The following ACO2 variants were observed in gnomAD, a reference collection of about 807,000 sequenced individuals.
ACO2 encodes aconitate hydratase, mitochondrial.
In ACO2, 31 loss-of-function variants were observed where a neutral mutation model predicts 84.5. The ratio of observed to expected loss-of-function variants is 0.37; its 90% CI spans 0.28 to 0.50. ACO2 has a LOEUF of 0.50. Ranked by LOEUF, ACO2 falls within the 20% of genes least tolerant of loss-of-function variation. ACO2 has a pLI of 0.97. For synonymous variants in ACO2, 414 were observed against 412.7 expected, an observed-to-expected ratio of 1.00 and a Z score of -0.04; for missense variants, 685 against 1,029.3, an observed-to-expected ratio of 0.67 and a Z score of 4.58.
chr22:41,470,082 CTTGACTCCCCTGT>C (rs2037925174), intron 1 of ACO2, among the ~76,000 whole-genome samples: 3 of 152,148 alleles, frequency 2.0e-5, no homozygotes, highest in Admixed American at 6.5e-5. Flanking sequence ...CCAGTTTGAC[CTTGACTCCCCTGT>C]TAGGAGCTAT....
intron 7 of ACO2, 47 bp downstream of exon 7, chr22:41,517,678 C>T (rs572111776): frequency 3.9e-5 from 59 of 1,504,718 alleles, no homozygotes; most frequent in East Asian, 6.8e-5. Flanking sequence ...GTCACATGCC[C>T]GCTCCTCCCC....
chr22:41,527,932 T>C lies in ACO2; in HGVS notation c.2118T>C (p.Pro706=), dbSNP rs1601938501. The C allele has an allele frequency of 6.2e-7, 1 of 1,614,140 alleles. No homozygotes were observed. The highest frequency in any genetic ancestry group is 8.5e-7 in the Non-Finnish European group (1 of 1,180,016). Residue 706 remains proline, a synonymous_variant, in exon 17 of 18, where the codon CCT becomes CCC. Coordinates refer to ENST00000216254, the MANE Select transcript of ACO2 (RefSeq NM_001098.3). The part of the protein sequence containing the change: ...ETNLKKQGLL[P]LTFADPADYN... ...ACCTGAAGAAACAGGGCCTGCTGCC[T>C]CTGACCTTCGCTGACCCGGCTGACT...
chr22:41,470,448 A>T (rs959226647), intron 1 of ACO2, among the ~76,000 whole-genome samples: 1 of 151,894 alleles, frequency 6.6e-6, no homozygotes, highest in African/African-American at 2.4e-5. Flanking sequence ...AAGTAAAATC[A>T]TCATTTATCT....
chr22:41,486,107 T>C (rs1490063448), intron 1 of ACO2, among the ~76,000 whole-genome samples: 2 of 151,904 alleles, frequency 1.3e-5, no homozygotes, highest in Non-Finnish European at 2.9e-5. Flanking sequence ...CTGCCCCTTG[T>C]GTGTGTGTGT....
chr22:41,498,170 G>A (rs2066328815), intron 1 of ACO2, among the ~76,000 whole-genome samples: 2 of 151,640 alleles, frequency 1.3e-5, no homozygotes, highest in Admixed American at 6.6e-5. Flanking sequence ...CAAATAATTG[G>A]GTGTAGTAGT....
chr22:41,499,894 A>G (rs1430221065), intron 2 of ACO2, 32 bp downstream of exon 2: 2 of 1,610,474 alleles, frequency 1.2e-6, no homozygotes, highest in Admixed American at 1.7e-5. Flanking sequence ...TGTGACTGTC[A>G]AGGGCATTGC....
rs983481157 is a variant in ACO2, at chr22:41,528,540, C to A, written c.2270C>A (p.Thr757Asn). ...GTQETILLNH[T>N]FNETQIEWFR... The stretch of plus-strand genomic sequence containing the variant: ...CAGGAGACCATCCTCCTGAACCACA[C>A]CTTCAACGAGACGCAGATTGAGTGG... The change falls in exon 18 of 18, where the codon ACC becomes AAC. Residue 757 changes from threonine to asparagine, a missense_variant. Around this residue, in one of 5 missense-constraint regions of ACO2, gnomAD observed 174 missense variants for 236.6 expected, o/e 0.74. Transcript: ENST00000216254. 1 of 1,613,210 alleles carries A rather than the reference C, an allele frequency of 6.2e-7. No homozygotes were observed. The highest frequency in any genetic ancestry group is 1.1e-5 in the South Asian group (1 of 91,030).
chr22:41,512,507 C>T (rs1467906403), intron 4 of ACO2, among the ~76,000 whole-genome samples: 2 of 152,228 alleles, frequency 1.3e-5, no homozygotes, highest in African/African-American at 4.8e-5. Context: ...AGCTGGCTTA[C>T]TGTGGAGCCA....
intron 9 of ACO2, 35 bp downstream of exon 9, chr22:41,520,311 T>G (rs1382406611): frequency 1.3e-6 from 2 of 1,553,476 alleles, no homozygotes; most frequent in South Asian, 2.2e-5. Flanking sequence ...TTAGCAGGTC[T>G]CAGGGCCAGT....
rs1159609057 is a variant in ACO2 at position 41,525,324 on chromosome 22, G to A, written c.1737G>A (p.Leu579=). 6 of 1,613,918 alleles carry A rather than the reference G, an allele frequency of 3.7e-6. No homozygotes were observed. The highest frequency in any genetic ancestry group is 5.1e-6 in the Non-Finnish European group (6 of 1,180,036). ...EPFDKWDGKD[L]EDLQILIKVK... ...TTGACAAGTGGGATGGCAAGGACCT[G>A]GAGGACCTGCAGATCCTCATCAAGG... Residue 579 remains leucine (L), a synonymous_variant, in exon 14 of 18, where the codon CTG becomes CTA. Transcript: ENST00000216254.
At chr22:41,504,265 T>C (rs1601905746) in intron 2 of ACO2, among the ~76,000 whole-genome samples, 1 of 152,168 alleles carries the variant, frequency 6.6e-6, no homozygotes, top group Non-Finnish European at 1.5e-5. Flanking sequence ...TCTAAGAATT[T>C]TTTAGAAGGC....
At chr22:41,517,241 C>T (rs1280151145) in intron 6 of ACO2, 4 of 411,648 alleles carry the variant, frequency 9.7e-6, no homozygotes, top group East Asian at 5.0e-5. Flanking sequence ...GCCCCAAGCT[C>T]GCAGCTCAGT....
chr22:41,527,853 C>G, intron 16 of ACO2, 48 bp from the exon 17 acceptor site: 1 of 1,613,828 alleles, frequency 6.2e-7, no homozygotes. Context: ...AAATGAAGCT[C>G]TCCAGGCTAG....
intron 1 of ACO2, among the ~76,000 whole-genome samples, chr22:41,471,603 T>A (rs1427795416): frequency 2.0e-5 from 3 of 152,230 alleles, no homozygotes; most frequent in Non-Finnish European, 2.9e-5. Context: ...TGTATTCTAA[T>A]GTACCTGACT....
At chr22:41,473,953 C>G (rs969328379) in intron 1 of ACO2, among the ~76,000 whole-genome samples, 1 of 152,042 alleles carries the variant, frequency 6.6e-6, no homozygotes. Flanking sequence ...GTAAGGAAAT[C>G]CAAGTGTAGT....
chr22:41,520,037 C>T (rs1159119894), intron 8 of ACO2, 134 bp from the exon 9 acceptor site: 4 of 725,990 alleles, frequency 5.5e-6, no homozygotes, highest in Admixed American at 4.9e-5. Flanking sequence ...CAGTTCTTCC[C>T]TGTGATGAGG....
At chr22:41,525,423 TGAACCTGGAG>T in intron 14 of ACO2, 75 bp downstream of exon 14, 1 of 1,570,936 alleles carries the variant, frequency 6.4e-7, no homozygotes, top group East Asian at 2.2e-5. Flanking sequence ...GGAAGGGCCA[TGAACCTGGAG>T]GAAGTGAGCA....
rs140570138 is a variant in ACO2, at chr22:41,496,123, G to A, written c.37-3603G>A. On this transcript the variant is annotated intron_variant, in intron 1 of 17. Transcript: ENST00000216254. Reference sequence around the variant, plus strand: ...GGTCAGGAGTTTGAGACCAGCCTGGGCAACGTGGTGAAACCCCATCTCCAC... The same window carrying A: ...GGTCAGGAGTTTGAGACCAGCCTGGACAACGTGGTGAAACCCCATCTCCAC... Among the ~76,000 whole-genome samples, 86 of 151,614 alleles carry A rather than the reference G, an allele frequency of 5.7e-4. No homozygotes were observed. In the East Asian group the frequency reaches 0.016, roughly 28 times the overall value.
chr22:41,525,393 C>A (rs781479706), intron 14 of ACO2, 45 bp downstream of exon 14: 1 of 1,605,156 alleles, frequency 6.2e-7, no homozygotes, highest in Non-Finnish European at 8.5e-7. Context: ...CTGCCAGGGC[C>A]CCCCGTCCCC....
Sources: gnomAD v4.1 joint callset for allele counts (sites outside exome capture counted in the v4.1 genomes callset) on GRCh38, gnomAD v4.1.1 for gene constraint, gnomAD v4.1.1 regional missense constraint, MANE v1.5 for transcripts, NCBI Gene and HGNC (gene_info 2026-07-23, HGNC 2026-07-21) for gene names.